Variants in CTNND2 observed in about 807,000 individuals in gnomAD.
CTNND2 encodes the protein catenin delta 2.
CTNND2 carries 22 observed loss-of-function variants against 144.4 expected under a neutral mutation model. That is an observed-to-expected ratio of 0.15 (90% confidence interval 0.11 to 0.22). The LOEUF (loss-of-function observed/expected upper bound fraction) is 0.22, where lower values mean the gene tolerates loss of function less well. Among genes scored for constraint, CTNND2 ranks in the 10% least tolerant of loss-of-function variants. The probability of loss-of-function intolerance (pLI) is 1.00; values close to 1 mark genes in which losing one functional copy is unlikely to be tolerated. For synonymous variants in CTNND2, 751 were observed against 695.6 expected, an observed-to-expected ratio of 1.08 and a Z score of -1.25; for missense variants, 1,353 against 1,618.8, an observed-to-expected ratio of 0.84 and a Z score of 2.82.
At position 11,703,155 on chromosome 5, in the gene CTNND2, G is replaced by A. The variant is rs1346407309; in HGVS notation, c.174+28981C>T. 2.0e-5 allele frequency among the ~76,000 whole-genome samples: 3 copies of A among 152,128 alleles called. No homozygotes were observed. The East Asian group carries it at 5.8e-4, about 29-fold the overall frequency. On this transcript the variant is annotated intron_variant, in intron 2 of 21. Transcript: ENST00000304623. ...ATAGGCTAAGAGCTACCCAACTGAA[G>A]TCAATTCATTCCAAGAAGAATCATG...
intron 16 of CTNND2, among the ~76,000 whole-genome samples, chr5:11,062,575 C>G (rs183348048): frequency 6.6e-6 from 1 of 152,242 alleles, no homozygotes; most frequent in Non-Finnish European, 1.5e-5. Flanking sequence ...ATTCATCAGA[C>G]AAGCACATTC....
At chr5:11,513,217 T>G (rs987014042) in intron 3 of CTNND2, among the ~76,000 whole-genome samples, 18 of 152,132 alleles carry the variant, frequency 1.2e-4, no homozygotes, top group African/African-American at 4.3e-4. Context: ...ATCCCTTCCA[T>G]GAGCTGCAAG....
At chr5:11,830,271 G>C (rs1367841040) in intron 1 of CTNND2, among the ~76,000 whole-genome samples, 1 of 152,184 alleles carries the variant, frequency 6.6e-6, no homozygotes, top group East Asian at 1.9e-4. Flanking sequence ...GATTAGTTTT[G>C]AAATGTGAGG....
At chr5:11,418,547 T>C (rs1561363074) in intron 3 of CTNND2, among the ~76,000 whole-genome samples, 1 of 152,216 alleles carries the variant, frequency 6.6e-6, no homozygotes, top group Non-Finnish European at 1.5e-5. Context: ...AAATCATTGA[T>C]GCCTTACAAG....
At chr5:11,617,895 T>C (rs1260333938) in intron 2 of CTNND2, among the ~76,000 whole-genome samples, 1 of 152,210 alleles carries the variant, frequency 6.6e-6, no homozygotes, top group Non-Finnish European at 1.5e-5. Flanking sequence ...GTAGGTGTGT[T>C]TGACTGCCCA....
intron 11 of CTNND2, among the ~76,000 whole-genome samples, chr5:11,169,315 A>T (rs192743469): frequency 3.4e-4 from 52 of 152,290 alleles, no homozygotes; most frequent in Non-Finnish European, 6.2e-4. Flanking sequence ...TGTCTAACAA[A>T]CCCAGCTTTG....
At chr5:11,103,569 C>G (rs1752127715) in intron 14 of CTNND2, among the ~76,000 whole-genome samples, 1 of 151,946 alleles carries the variant, frequency 6.6e-6, no homozygotes, top group African/African-American at 2.4e-5. Context: ...ACTCAGGAGA[C>G]TGAGGCAGGA....
intron 2 of CTNND2, among the ~76,000 whole-genome samples, chr5:11,581,835 C>T (rs1227923142): frequency 6.6e-6 from 1 of 152,210 alleles, no homozygotes. Flanking sequence ...GTAGGGGCAG[C>T]AGTTGCCTCT....
chr5:11,130,263 C>G (rs1032832436), intron 12 of CTNND2, among the ~76,000 whole-genome samples: 15 of 148,392 alleles, frequency 1.0e-4, no homozygotes, highest in Admixed American at 6.7e-4. Context: ...TACCACACCC[C>G]CCCCATCCAC....
chr5:11,728,422 G>A (rs1787143204), intron 2 of CTNND2, among the ~76,000 whole-genome samples: 1 of 152,134 alleles, frequency 6.6e-6, no homozygotes, highest in Non-Finnish European at 1.5e-5. Context: ...AGGTTATGGT[G>A]AGCCAAGATC....
intron 3 of CTNND2, among the ~76,000 whole-genome samples, chr5:11,442,785 A>G (rs1408928620): frequency 6.8e-6 from 1 of 147,240 alleles, no homozygotes; most frequent in Admixed American, 6.9e-5. Context: ...ATCATTATAT[A>G]TATAATTATA....
chr5:11,125,143 AGGAAGGG>A (rs917955387), intron 12 of CTNND2, among the ~76,000 whole-genome samples: 3 of 152,162 alleles, frequency 2.0e-5, no homozygotes, highest in Non-Finnish European at 4.4e-5. Context: ...GGGGTGGGGA[AGGAAGGG>A]GTGTCTTCGC....
chr5:11,082,972 T>A, intron 15 of CTNND2, 126 bp from the exon 16 acceptor site: 3 of 1,053,856 alleles, frequency 2.8e-6, no homozygotes, highest in Non-Finnish European at 4.1e-6. Flanking sequence ...GACCTAGTTG[T>A]AGAATGGGTT....
At chr5:11,277,337 G>C (rs892746894) in intron 9 of CTNND2, among the ~76,000 whole-genome samples, 1 of 151,724 alleles carries the variant, frequency 6.6e-6, no homozygotes, top group Admixed American at 6.6e-5. Flanking sequence ...CATCAATGAA[G>C]ATGGAATAAT....
chr5:11,551,645 C>T lies in CTNND2; in HGVS notation c.287+13299G>A, dbSNP rs772308611. Reference sequence around the variant, plus strand: ...TGGAGTTTTGCTCTTGTTACACAGGCTGGAGTGCAATGGTGCGATCTTGGC... The same window carrying T: ...TGGAGTTTTGCTCTTGTTACACAGGTTGGAGTGCAATGGTGCGATCTTGGC... On this transcript the variant is annotated intron_variant, in intron 3 of 21. Transcript: ENST00000304623. 2.6e-5 allele frequency among the ~76,000 whole-genome samples: 4 copies of T among 152,002 alleles called. No homozygotes were observed. In the East Asian group the frequency reaches 7.7e-4, roughly 29 times the overall value.
At chr5:11,298,737 T>C (rs756984690) in intron 9 of CTNND2, among the ~76,000 whole-genome samples, 1 of 152,214 alleles carries the variant, frequency 6.6e-6, no homozygotes, top group Non-Finnish European at 1.5e-5. Context: ...TATAGAAATG[T>C]GGCGTGTAGC....
chr5:11,288,423 C>T (rs1157931742), intron 9 of CTNND2, among the ~76,000 whole-genome samples: 1 of 151,826 alleles, frequency 6.6e-6, no homozygotes, highest in Non-Finnish European at 1.5e-5. Flanking sequence ...AATTGAATTA[C>T]TTGTAATGTA....
At chr5:11,651,284 C>T (rs896791457) in intron 2 of CTNND2, among the ~76,000 whole-genome samples, 2 of 152,220 alleles carry the variant, frequency 1.3e-5, no homozygotes, top group South Asian at 4.1e-4. Flanking sequence ...GCAGTTTCCA[C>T]ATGGTATGAA....
At chr5:11,188,248 T>C (rs1188769341) in intron 11 of CTNND2, among the ~76,000 whole-genome samples, 1 of 152,136 alleles carries the variant, frequency 6.6e-6, no homozygotes, top group Admixed American at 6.5e-5. Context: ...GTGGTATATA[T>C]ATATACCATA....
Sources: allele counts gnomAD v4.1 joint callset (sites outside exome capture counted in the v4.1 genomes callset), GRCh38; gene constraint gnomAD v4.1.1; transcripts MANE v1.5; gene names NCBI Gene and HGNC (gene_info 2026-07-23, HGNC 2026-07-21).